The following THSD7A variants were observed in gnomAD, a reference collection of about 807,000 sequenced individuals.
THSD7A encodes the protein thrombospondin type-1 domain-containing protein 7A.
In THSD7A, 96 loss-of-function variants were observed where a neutral mutation model predicts 231.3. The ratio of observed to expected loss-of-function variants is 0.41; its 90% CI spans 0.35 to 0.49. The LOEUF (loss-of-function observed/expected upper bound fraction) is 0.49, where lower values mean the gene tolerates loss of function less well. Ranked by LOEUF, THSD7A falls within the 20% of genes least tolerant of loss-of-function variation. The pLI, the probability that THSD7A is intolerant of heterozygous loss-of-function variation, is 0.05. For synonymous variants in THSD7A, 940 were observed against 743.3 expected (o/e 1.26, Z -4.30); for missense variants, 2,290 against 2,070.2 (o/e 1.11, Z -2.06).
intron 1 of THSD7A, among the ~76,000 whole-genome samples, chr7:11,800,503 T>C (rs1215763667): frequency 6.6e-6 from 1 of 152,104 alleles, no homozygotes; most frequent in Non-Finnish European, 1.5e-5. Flanking sequence ...CAGCCAGGAT[T>C]GTGCTGTTGC....
At chr7:11,805,711 T>G (rs1784382471) in intron 1 of THSD7A, among the ~76,000 whole-genome samples, 1 of 152,050 alleles carries the variant, frequency 6.6e-6, no homozygotes, top group Non-Finnish European at 1.5e-5. Context: ...TTAAGACAAA[T>G]TTACAAATAC....
At chr7:11,400,311 T>C (rs552834421) in intron 23 of THSD7A, among the ~76,000 whole-genome samples, 19 of 152,196 alleles carry the variant, frequency 1.2e-4, no homozygotes, top group African/African-American at 4.6e-4. Context: ...AAAGTATAAT[T>C]AAAAAAATTA....
At chr7:11,460,641 C>G in intron 11 of THSD7A, 21 bp downstream of exon 11, 1 of 1,581,148 alleles carries the variant, frequency 6.3e-7, no homozygotes, top group Non-Finnish European at 8.6e-7. Context: ...GAGAAATGAA[C>G]TGTGGAATGG....
chr7:11,800,547 C>G (rs1463759998), intron 1 of THSD7A, among the ~76,000 whole-genome samples: 1 of 151,778 alleles, frequency 6.6e-6, no homozygotes. Flanking sequence ...GAAACCCCAT[C>G]TCAAAAAAGA....
chr7:11,639,114 T>C (rs1256254683), intron 1 of THSD7A, among the ~76,000 whole-genome samples: 2 of 152,164 alleles, frequency 1.3e-5, no homozygotes, highest in Admixed American at 1.3e-4. Flanking sequence ...GTAAACTATA[T>C]GCCATTAAGT....
At chr7:11,710,163 A>G (rs1018532497) in intron 1 of THSD7A, among the ~76,000 whole-genome samples, 93 of 150,854 alleles carry the variant, frequency 6.2e-4, no homozygotes, top group African/African-American at 2.2e-3. Flanking sequence ...GGTGAAGCCT[A>G]AGAATCTGCA....
chr7:11,412,724 G>A lies in THSD7A; in HGVS notation c.3614C>T (p.Pro1205Leu). The change falls in exon 18 of 28, where the codon CCT becomes CTT. Residue 1205 changes from proline to leucine, a missense_variant. Transcript: ENST00000423059. ...ACAGGGTTCTTTCTCAACAGCATTA[G>A]GGCAAGATCTTCCTTCATCAGCTGG... is the stretch of plus-strand genomic sequence containing the variant. ...RQPADEGRSCPNAVEKEPCNL... is the reference protein window; with the variant it reads ...RQPADEGRSCLNAVEKEPCNL... 6.2e-7 allele frequency: 1 copy of A among 1,613,748 alleles called. No individual in the cohort carries two copies. The highest frequency in any genetic ancestry group is 8.5e-7 in the Non-Finnish European group (1 of 1,179,822).
intron 23 of THSD7A, among the ~76,000 whole-genome samples, chr7:11,389,223 G>A (rs1782881985): frequency 6.6e-6 from 1 of 151,624 alleles, no homozygotes; most frequent in Non-Finnish European, 1.5e-5. Flanking sequence ...AATTGTGTGG[G>A]AGTCTAAGTC....
chr7:11,752,511 T>C (rs1187148618), intron 1 of THSD7A, among the ~76,000 whole-genome samples: 3 of 152,190 alleles, frequency 2.0e-5, no homozygotes, highest in East Asian at 3.9e-4. Flanking sequence ...AATCCACTGA[T>C]GCAACTGTTA....
At chr7:11,668,372 C>A (rs920195961) in intron 1 of THSD7A, among the ~76,000 whole-genome samples, 2 of 151,186 alleles carry the variant, frequency 1.3e-5, no homozygotes, top group African/African-American at 4.9e-5. Context: ...GAGCCAAGAT[C>A]GTGCCATTGC....
chr7:11,740,926 T>G (rs1022497643), intron 1 of THSD7A, among the ~76,000 whole-genome samples: 1 of 151,996 alleles, frequency 6.6e-6, no homozygotes, highest in African/African-American at 2.4e-5. Flanking sequence ...TTACTGAACA[T>G]GTGAATTACA....
intron 1 of THSD7A, among the ~76,000 whole-genome samples, chr7:11,764,873 A>G (rs957092592): frequency 1.3e-5 from 2 of 152,092 alleles, no homozygotes; most frequent in Admixed American, 1.3e-4. Context: ...AATTATAAGG[A>G]AAAACTATGA....
At chr7:11,802,773 C>A (rs1784310815) in intron 1 of THSD7A, among the ~76,000 whole-genome samples, 1 of 151,938 alleles carries the variant, frequency 6.6e-6, no homozygotes, top group African/African-American at 2.4e-5. Context: ...TAAATATTTC[C>A]ACTAATATAT....
At chr7:11,683,999 T>G (rs1779933709) in intron 1 of THSD7A, among the ~76,000 whole-genome samples, 1 of 152,106 alleles carries the variant, frequency 6.6e-6, no homozygotes, top group South Asian at 2.1e-4. Flanking sequence ...ATTAGCAAAC[T>G]GAATCTGGCA....
At chr7:11,696,311 A>C (rs909624877) in intron 1 of THSD7A, among the ~76,000 whole-genome samples, 1 of 151,570 alleles carries the variant, frequency 6.6e-6, no homozygotes, top group African/African-American at 2.4e-5. Context: ...TATAGAAAAA[A>C]ATAGCACACT....
intron 14 of THSD7A, 60 bp from the exon 15 acceptor site, chr7:11,426,731 C>G: frequency 6.6e-7 from 1 of 1,507,934 alleles, no homozygotes; most frequent in East Asian, 2.4e-5. Context: ...GTGAAAATGT[C>G]AGTATGCTAT....
intron 1 of THSD7A, among the ~76,000 whole-genome samples, chr7:11,736,938 C>T (rs762287244): frequency 1.4e-4 from 21 of 152,056 alleles, no homozygotes; most frequent in African/African-American, 2.6e-4. Context: ...TAAATTCTCA[C>T]GAGATATGAT....
At chr7:11,716,215 G>T (rs1193127312) in intron 1 of THSD7A, among the ~76,000 whole-genome samples, 5 of 151,356 alleles carry the variant, frequency 3.3e-5, no homozygotes, top group Admixed American at 3.3e-4. Context: ...TTTGCACATG[G>T]CATTCCTTCT....
Position 11,680,914 on chromosome 7 carries a change from C to A in THSD7A, c.191-43953G>T, listed in dbSNP as rs187381641. On this transcript the variant is annotated intron_variant, in intron 1 of 27. Coordinates refer to ENST00000423059, the MANE Select transcript of THSD7A (RefSeq NM_015204.3). ...GACACATGCACACATATGTTTATTG[C>A]AGCACTTTTCACAACAACAAAGACT... 5.2e-4 allele frequency among the ~76,000 whole-genome samples: 79 copies of A among 152,184 alleles called. 1 individual carries two copies. Among genetic ancestry groups the A allele is most frequent in the Non-Finnish European group, 9.6e-4 (65 of 68,010 alleles).
Sources: gnomAD v4.1 joint callset for allele counts (sites outside exome capture counted in the v4.1 genomes callset) on GRCh38, gnomAD v4.1.1 for gene constraint, MANE v1.5 for transcripts, NCBI Gene and HGNC (gene_info 2026-07-23, HGNC 2026-07-21) for gene names.